The following ANXA4 variants were observed in gnomAD, a reference collection of about 807,000 sequenced individuals.
The protein encoded by ANXA4 is 35-beta calcimedin.
ANXA4 carries 39 observed loss-of-function variants against 49.8 expected under a neutral mutation model. The ratio of observed to expected loss-of-function variants is 0.78; its 90% CI spans 0.61 to 1.02. ANXA4 has a LOEUF of 1.02. Ranked by LOEUF, ANXA4 falls within the 50% of genes least tolerant of loss-of-function variation. The probability of loss-of-function intolerance (pLI) is 0.00; values close to 1 mark genes in which losing one functional copy is unlikely to be tolerated. For missense variants in ANXA4, 360 were observed against 410.1 expected, an observed-to-expected ratio of 0.88 and a Z score of 1.05; for synonymous variants, 134 against 152.5, an observed-to-expected ratio of 0.88 and a Z score of 0.89.
At chr2:69,714,726 C>A (rs1278997849) in intron 2 of ANXA4, among the ~76,000 whole-genome samples, 2 of 152,212 alleles carry the variant, frequency 1.3e-5, no homozygotes, top group African/African-American at 4.8e-5. Flanking sequence ...CAATCAATAG[C>A]CAGACACCCA....
intron 3 of ANXA4, among the ~76,000 whole-genome samples, chr2:69,721,787 T>TC (rs1189206704): frequency 1.3e-5 from 2 of 152,164 alleles, no homozygotes; most frequent in African/African-American, 4.8e-5. Context: ...TCCCCCAGTC[T>TC]CCTCTGGCTC....
At chr2:69,653,960 T>C (rs927609924) in intron 2 of ANXA4, among the ~76,000 whole-genome samples, 2 of 152,234 alleles carry the variant, frequency 1.3e-5, no homozygotes, top group Non-Finnish European at 1.5e-5. Context: ...CTTATTTCCT[T>C]GAGCAATGGT....
intron 1 of ANXA4, among the ~76,000 whole-genome samples, chr2:69,775,733 C>G (rs1047325641): frequency 1.3e-5 from 2 of 152,114 alleles, no homozygotes; most frequent in Admixed American, 6.5e-5. Context: ...TTTTAAATCT[C>G]CACCCCATGC....
chr2:69,730,640 T>C (rs1477914329), intron 3 of ANXA4, among the ~76,000 whole-genome samples: 1 of 152,230 alleles, frequency 6.6e-6, no homozygotes, highest in Non-Finnish European at 1.5e-5. Context: ...TGCCTCCACA[T>C]GGCCCCTATG....
At chr2:69,643,819 C>T (rs1015170193), upstream of ANXA4, 8 of 1,183,752 alleles carry the variant, frequency 6.8e-6, no homozygotes, top group Middle Eastern at 3.4e-4. Flanking sequence ...CCGGAAGTGC[C>T]CCTCGGGGCG....
intron 1 of ANXA4, among the ~76,000 whole-genome samples, chr2:69,763,353 T>C (rs991192996): frequency 2.3e-4 from 35 of 152,148 alleles, no homozygotes; most frequent in Admixed American, 2.0e-3. Flanking sequence ...GTGGAGCCAG[T>C]TGAAATCTGT....
At chr2:69,812,874 G>C (rs981421078) in intron 8 of ANXA4, among the ~76,000 whole-genome samples, 165 bp downstream of exon 8, 4 of 152,156 alleles carry the variant, frequency 2.6e-5, no homozygotes, top group Non-Finnish European at 5.9e-5. Flanking sequence ...GTTTCTTGCA[G>C]AGGTACCTGG....
At chr2:69,652,953 C>T (rs1476965243) in intron 1 of ANXA4, 3 of 152,160 alleles carry the variant, frequency 2.0e-5, no homozygotes, top group African/African-American at 4.8e-5. Context: ...ATATTCCTGG[C>T]CTAACCTTAG....
At chr2:69,690,194 C>G (rs1677914743) in intron 2 of ANXA4, among the ~76,000 whole-genome samples, 1 of 152,080 alleles carries the variant, frequency 6.6e-6, no homozygotes. Context: ...ATTCAGGTGT[C>G]TCTCAAAATT....
chr2:69,704,641 A>C (rs1324336907), intron 2 of ANXA4, among the ~76,000 whole-genome samples: 2 of 152,234 alleles, frequency 1.3e-5, no homozygotes, highest in African/African-American at 4.8e-5. Flanking sequence ...CAGTGGTCTC[A>C]GCCTCTTAAA....
At chr2:69,815,915 A>G (rs569862214) in intron 8 of ANXA4, 186 bp from the exon 9 acceptor site, 6 of 571,940 alleles carry the variant, frequency 1.0e-5, no homozygotes, top group Non-Finnish European at 1.6e-5. Context: ...GGGGTATGAC[A>G]GGGTCCCAAC....
intron 2 of ANXA4, among the ~76,000 whole-genome samples, chr2:69,667,074 G>GAAATAAAATA (rs556026006): frequency 1.3e-5 from 2 of 150,854 alleles, no homozygotes; most frequent in East Asian, 3.9e-4. Flanking sequence ...AAAATAAAAT[G>GAAATAAAATA]AAATAAAATA....
chr2:69,729,077 G>C (rs144692657), intron 3 of ANXA4, among the ~76,000 whole-genome samples: 2 of 152,110 alleles, frequency 1.3e-5, no homozygotes, highest in Non-Finnish European at 2.9e-5. Context: ...GCAGTGGCAC[G>C]ATCTCGGCTC....
At chr2:69,785,638 C>T (rs1672383403) in intron 2 of ANXA4, among the ~76,000 whole-genome samples, 2 of 151,944 alleles carry the variant, frequency 1.3e-5, no homozygotes, top group African/African-American at 4.8e-5. Flanking sequence ...AAGTGCATTC[C>T]TGTATTATCC....
intron 1 of ANXA4, among the ~76,000 whole-genome samples, chr2:69,758,580 C>G (rs1200034008): frequency 6.6e-6 from 1 of 152,192 alleles, no homozygotes; most frequent in African/African-American, 2.4e-5. Context: ...TATGACTGTG[C>G]TACTGCACTC....
At position 69,771,541 on chromosome 2, in the gene ANXA4, C is replaced by A. The variant is rs568979199; in HGVS notation, c.-46-9979C>A. On this transcript the variant is annotated intron_variant, in intron 1 of 12. Transcript: ENST00000394295. ...TGCTTAGGGAAGTATCTACTTTGCC[C>A]GCTTTCCAAATGCTGGGTGAGAGAG... is the stretch of plus-strand genomic sequence containing the variant. Among the ~76,000 whole-genome samples, 8 of 152,286 alleles carry A rather than the reference C, an allele frequency of 5.3e-5. No homozygotes were observed. In the South Asian group the frequency reaches 1.7e-3, roughly 32 times the overall value.
At chr2:69,746,857 G>A (rs1431070875) in intron 1 of ANXA4, among the ~76,000 whole-genome samples, 1 of 151,742 alleles carries the variant, frequency 6.6e-6, no homozygotes, top group Non-Finnish European at 1.5e-5. Context: ...AATTAGCCAG[G>A]TGTGGTGGTG....
intron 2 of ANXA4, among the ~76,000 whole-genome samples, chr2:69,685,187 A>G (rs1014016913): frequency 3.9e-5 from 6 of 152,250 alleles, no homozygotes; most frequent in African/African-American, 1.4e-4. Context: ...TTAGAGGAAC[A>G]GTTTCAGGCA....
chr2:69,664,939 C>T (rs1676879504), intron 2 of ANXA4, among the ~76,000 whole-genome samples: 1 of 152,046 alleles, frequency 6.6e-6, no homozygotes, highest in Non-Finnish European at 1.5e-5. Flanking sequence ...CCCGTGTCTA[C>T]TAAAAATACA....
Sources: allele counts gnomAD v4.1 joint callset (sites outside exome capture counted in the v4.1 genomes callset), GRCh38; gene constraint gnomAD v4.1.1; transcripts MANE v1.5; gene names NCBI Gene and HGNC (gene_info 2026-07-23, HGNC 2026-07-21).